CDKL3: variants seen among roughly 807,000 people sequenced by gnomAD.
CDKL3 encodes the protein cyclin dependent kinase like 3, also known as cyclin-dependent kinase-like 3.
A neutral mutation model predicts 69.3 loss-of-function variants in CDKL3; 65 were observed. The ratio of observed to expected loss-of-function variants is 0.94; its 90% confidence interval spans 0.77 to 1.15. CDKL3 has a LOEUF of 1.15. CDKL3 is among the 50% of genes most tolerant of loss of function. The probability of loss-of-function intolerance (pLI) is 0.00; values close to 1 mark genes in which losing one functional copy is unlikely to be tolerated. For missense variants in CDKL3, 652 were observed against 689.2 expected, an observed-to-expected ratio of 0.95 and a Z score of 0.61; for synonymous variants, 202 against 221.6, an observed-to-expected ratio of 0.91 and a Z score of 0.79.
At chr5:134,357,842 G>A (rs981320648) in intron 3 of CDKL3, among the ~76,000 whole-genome samples, 1 of 152,072 alleles carries the variant, frequency 6.6e-6, no homozygotes, top group African/African-American at 2.4e-5. Context: ...ATCTCTCTGG[G>A]TCTCTATCTA....
chr5:134,326,853 A>ATATATGTGTGTG (rs1774481107), intron 4 of CDKL3, among the ~76,000 whole-genome samples: 1 of 104,742 alleles, frequency 9.5e-6, no homozygotes, highest in African/African-American at 5.3e-5. Flanking sequence ...ATATATATAT[A>ATATATGTGTGTG]TATATATATA....
chr5:134,319,067 T>C (rs1580936094), intron 6 of CDKL3: 1 of 208,738 alleles, frequency 4.8e-6, no homozygotes, highest in Non-Finnish European at 9.4e-6. Flanking sequence ...ATGCCTGTAA[T>C]CCCAGCACTT....
chr5:134,313,621 G>T (rs1770179096), intron 6 of CDKL3, among the ~76,000 whole-genome samples: 1 of 151,976 alleles, frequency 6.6e-6, no homozygotes, highest in African/African-American at 2.4e-5. Flanking sequence ...ATTTCAAAAT[G>T]CATATTTAAA....
At chr5:134,359,050 C>G (rs1755323794) in intron 3 of CDKL3, among the ~76,000 whole-genome samples, 1 of 152,090 alleles carries the variant, frequency 6.6e-6, no homozygotes, top group Admixed American at 6.6e-5. Context: ...TTTTGGGAGG[C>G]TGAGGCGGGC....
At chr5:134,330,319 T>C (rs775880490) in intron 4 of CDKL3, among the ~76,000 whole-genome samples, 16 of 152,282 alleles carry the variant, frequency 1.1e-4, no homozygotes, top group Middle Eastern at 3.4e-3. Context: ...AAAATGTTTA[T>C]AAAATTGCCC....
intron 4 of CDKL3, among the ~76,000 whole-genome samples, chr5:134,326,018 A>G (rs887817967): frequency 4.9e-5 from 7 of 142,682 alleles, no homozygotes; most frequent in African/African-American, 1.8e-4. Flanking sequence ...CATGATCCGC[A>G]CGCCTCGGCC....
chr5:134,321,879 G>A lies in CDKL3; in HGVS notation c.564C>T (p.Gly188=), dbSNP rs1321773912. 1.2e-6 allele frequency: 2 copies of A among 1,607,992 alleles called. No homozygotes were observed. Among genetic ancestry groups the A allele is most frequent in the African/African-American group, 1.3e-5 (1 of 74,654 alleles). ...YGKPVDIWAL[G]CMIIEMATGN... ...CAGTGGCCATCTCAATGATCATACAGCCCAAAGCCCAGATATCCACAGGTC... is the reference window on the plus strand; with the variant it reads ...CAGTGGCCATCTCAATGATCATACAACCCAAAGCCCAGATATCCACAGGTC... The change falls in exon 5 of 13, where the codon GGC becomes GGT. Residue 188 remains glycine (G), a synonymous_variant. Coordinates refer to ENST00000265334, the MANE Select transcript of CDKL3 (RefSeq NM_001113575.2).
At chr5:134,291,773 CAAA>C (rs762167323) in intron 8 of CDKL3, among the ~76,000 whole-genome samples, 2 of 107,670 alleles carry the variant, frequency 1.9e-5, no homozygotes, top group Admixed American at 1.0e-4. Context: ...GACTCCATCT[CAAA>C]AAAAAAAAAA....
intron 4 of CDKL3, among the ~76,000 whole-genome samples, chr5:134,331,732 T>C (rs1775859108): frequency 6.6e-6 from 1 of 152,208 alleles, no homozygotes; most frequent in East Asian, 1.9e-4. Flanking sequence ...TTCCAAGTCT[T>C]TGCTATTGTG....
In CDKL3 at chr5:134,360,055, C is replaced by T. The variant is rs768570067; in HGVS notation, c.202G>A (p.Val68Ile). The T allele has an allele frequency of 1.3e-6, 2 of 1,549,206 alleles. No homozygotes were observed. Among genetic ancestry groups the T allele is most frequent in the South Asian group, 2.4e-5 (2 of 82,300 alleles). ...HHENLVNLIE[V>I]FRQKKKIHLV... ...TGAATTTTCTTTTTCTGTCTAAAAA[C>T]TTCAATCAGATTGACCAGGTTTTCG... The change falls in exon 3 of 13, where the codon GTT (valine) becomes ATT (isoleucine). Residue 68 changes from valine (V) to isoleucine (I), a missense_variant. Physicochemically the swap from Val to Ile is conservative, Grantham distance 29. Transcript: ENST00000265334.
chr5:134,350,513 T>A, intron 3 of CDKL3, 86 bp from the exon 4 acceptor site: 2 of 879,562 alleles, frequency 2.3e-6, no homozygotes, highest in Non-Finnish European at 3.5e-6. Context: ...AAAATCTAGC[T>A]AATTAAGATA....
chr5:134,306,750 C>CA lies in CDKL3; in HGVS notation c.1365-49_1365-48insT, dbSNP rs753891922. The CA allele has an allele frequency of 2.1e-3, 484 of 227,648 alleles. 2 individuals are homozygous for CA. Among genetic ancestry groups the CA allele is most frequent in the Middle Eastern group, 9.2e-3 (6 of 654 alleles). The allele number at this position is 227,648 out of a possible 1,614,324, so 14.1% of individuals were successfully genotyped here. A position where few individuals can be genotyped will look rare whatever the true frequency, so the allele number is the denominator to read the frequency against. On this transcript the variant is annotated intron_variant, in intron 9 of 12. Transcript: ENST00000265334. ...AAGTTACTAAAACTCCCCAGAAATG[C>CA]TTTTTTTTTTTTTTTTTTTTTTTTG...
intron 4 of CDKL3, among the ~76,000 whole-genome samples, chr5:134,349,716 C>T (rs891540907): frequency 6.6e-6 from 1 of 152,162 alleles, no homozygotes; most frequent in Non-Finnish European, 1.5e-5. Flanking sequence ...TGTGTCCATT[C>T]AGCCTGTGAG....
chr5:134,334,063 A>G (rs538386577), intron 4 of CDKL3, among the ~76,000 whole-genome samples: 4 of 152,238 alleles, frequency 2.6e-5, no homozygotes, highest in African/African-American at 4.8e-5. Context: ...CCAGGAATTT[A>G]TCCATTTCTT....
At chr5:134,347,036 T>C (rs1752071493) in intron 4 of CDKL3, among the ~76,000 whole-genome samples, 1 of 152,094 alleles carries the variant, frequency 6.6e-6, no homozygotes, top group South Asian at 2.1e-4. Flanking sequence ...TATAAAAGTA[T>C]TCAAGTAATA....
chr5:134,312,413 T>C, intron 6 of CDKL3, 33 bp from the exon 7 acceptor site: 9 of 1,155,914 alleles, frequency 7.8e-6, no homozygotes, highest in Non-Finnish European at 1.0e-5. Context: ...ATAAGTGAGC[T>C]CTCAACAGGG....
intron 4 of CDKL3, among the ~76,000 whole-genome samples, chr5:134,339,297 G>A (rs927211880): frequency 1.3e-5 from 2 of 152,150 alleles, no homozygotes; most frequent in Non-Finnish European, 2.9e-5. Flanking sequence ...GTTTAGGCAA[G>A]ATATACTTTA....
intron 4 of CDKL3, among the ~76,000 whole-genome samples, chr5:134,338,529 A>T (rs1777636325): frequency 6.8e-6 from 1 of 147,776 alleles, no homozygotes; most frequent in South Asian, 2.1e-4. Context: ...ATCTCTGCTA[A>T]AAAAAAAAAT....
upstream of CDKL3, chr5:134,367,391 T>C: frequency 1.5e-6 from 1 of 674,678 alleles, no homozygotes; most frequent in Non-Finnish European, 1.8e-6. Context: ...TTTTTTTTTT[T>C]TGAGATAGTC....
Sources: allele counts gnomAD v4.1 joint callset (sites outside exome capture counted in the v4.1 genomes callset), GRCh38; gene constraint gnomAD v4.1.1; transcripts MANE v1.5; gene names NCBI Gene and HGNC (gene_info 2026-07-23, HGNC 2026-07-21).